The following TXNDC5 variants were observed in gnomAD, a reference collection of about 807,000 sequenced individuals.
The protein encoded by TXNDC5 is thioredoxin domain containing 5.
A neutral mutation model predicts 52.6 loss-of-function variants in TXNDC5; 44 were observed. That is an observed-to-expected ratio of 0.84 (90% CI 0.66 to 1.08). The LOEUF is 1.08. Ranked by LOEUF, TXNDC5 falls within the 50% of genes least tolerant of loss-of-function variation. The pLI is 0.00. For synonymous variants in TXNDC5, 241 were observed against 234.4 expected, an observed-to-expected ratio of 1.03 and a Z score of -0.26; for missense variants, 600 against 565.5, an observed-to-expected ratio of 1.06 and a Z score of -0.62.
chr6:7,899,435 C>A, intron 3 of TXNDC5, 141 bp downstream of exon 3: 1 of 530,790 alleles, frequency 1.9e-6, no homozygotes, highest in Non-Finnish European at 3.2e-6. Flanking sequence ...CAATAAGCTC[C>A]AAAAAAAGTA....
intron 1 of TXNDC5, among the ~76,000 whole-genome samples, chr6:7,907,165 C>CTTTTT (rs55914910): frequency 8.3e-5 from 12 of 143,918 alleles, no homozygotes; most frequent in South Asian, 6.6e-4. Context: ...TTTTTTTTCC[C>CTTTTT]TTTTTTTTTT....
chr6:7,889,404 G>T, intron 6 of TXNDC5, 91 bp downstream of exon 6: 1 of 1,035,574 alleles, frequency 9.7e-7, no homozygotes, highest in Non-Finnish European at 1.4e-6. Flanking sequence ...ATCAAGATTG[G>T]CAATTCACTG....
At chr6:7,888,315 G>A (rs1486261968) in intron 7 of TXNDC5, among the ~76,000 whole-genome samples, 5 of 152,102 alleles carry the variant, frequency 3.3e-5, no homozygotes, top group African/African-American at 9.7e-5. Context: ...GAAAATGCCC[G>A]GAGCAAGGTC....
intron 5 of TXNDC5, among the ~76,000 whole-genome samples, chr6:7,889,891 G>A (rs914431692): frequency 2.6e-5 from 4 of 152,194 alleles, no homozygotes; most frequent in Non-Finnish European, 5.9e-5. Context: ...GGTAGCTTGA[G>A]TCAGGGCCCT....
At chr6:7,897,968 G>A (rs1459336210) in intron 3 of TXNDC5, among the ~76,000 whole-genome samples, 1 of 152,164 alleles carries the variant, frequency 6.6e-6, no homozygotes, top group African/African-American at 2.4e-5. Context: ...CAAATTTCCT[G>A]AGAGGTCTGT....
Position 7,910,726 on chromosome 6 carries a change from G to T in TXNDC5, c.51C>A (p.Ala17=). The T allele has an allele frequency of 9.7e-7, 1 of 1,034,254 alleles. No individual in the cohort carries two copies. The highest frequency in any genetic ancestry group is 1.2e-6 in the Non-Finnish European group (1 of 865,636). The allele number at this position is 1,034,254 out of a possible 1,614,324, so 64.1% of individuals were successfully genotyped here. ...GCAGCAGCAGCAGCAGCGCAGTCAG[G>T]GCCGCCGGCCGGGCCAGCAGCGGGA... is the stretch of plus-strand genomic sequence containing the variant. ...RLLPLLARPA[A]LTALLLLLLG... is the part of the protein sequence containing the mutation. The change falls in exon 1 of 10, where the codon GCC becomes GCA. Residue 17 remains alanine, a synonymous_variant. Transcript: ENST00000379757.
intron 1 of TXNDC5, among the ~76,000 whole-genome samples, chr6:7,909,565 G>A (rs754633379): frequency 6.6e-6 from 1 of 152,220 alleles, no homozygotes; most frequent in African/African-American, 2.4e-5. Flanking sequence ...GCTCAACGGA[G>A]GGGCTTTTCC....
intron 7 of TXNDC5, 152 bp downstream of exon 7, chr6:7,888,553 G>T: frequency 1.0e-6 from 1 of 958,776 alleles, no homozygotes; most frequent in Non-Finnish European, 1.5e-6. Context: ...AAAAATACGT[G>T]TTGAAAACGC....
intron 1 of TXNDC5, chr6:7,909,876 C>A: frequency 2.0e-6 from 2 of 986,038 alleles, no homozygotes; most frequent in Non-Finnish European, 2.4e-6. Flanking sequence ...TCTGTCCCAG[C>A]CGACCCCGGT....
intron 2 of TXNDC5, among the ~76,000 whole-genome samples, chr6:7,902,112 C>T (rs1278790204): frequency 6.6e-6 from 1 of 152,066 alleles, no homozygotes; most frequent in African/African-American, 2.4e-5. Context: ...CCAAAGATGA[C>T]CAGGAAACCA....
chr6:7,884,232 CAAAGGGACATAAA>C lies in TXNDC5; in HGVS notation c.1176+114_1176+126del, dbSNP rs999887140. On this transcript the variant is annotated intron_variant, in intron 9 of 9. Coordinates refer to ENST00000379757, the MANE Select transcript of TXNDC5 (RefSeq NM_030810.5). ...CTTTTGCTTCTCCAAACAAACAACT[CAAAGGGACATAAA>C]AACCACATTGTTGAGAAGATGAGAG... The C allele has an allele frequency of 3.2e-4, 427 of 1,315,642 alleles. 1 individual carries two copies. Among genetic ancestry groups the C allele is most frequent in the Non-Finnish European group, 4.1e-4 (391 of 954,342 alleles). The allele number at this position is 1,315,642 out of a possible 1,614,324, so 81.5% of individuals were successfully genotyped here.
rs763003192 is a variant in TXNDC5 at position 7,891,758 on chromosome 6, G to T, written c.617-22C>A. ...TCGCCTGGAGTGGAGAGCCAAGGCA[G>T]AGACGGGGGAAAGAGGAACTGTAAT... On this transcript the variant is annotated intron_variant, in intron 4 of 9. Transcript: ENST00000379757. 31 of 1,552,636 alleles carry T rather than the reference G, an allele frequency of 2.0e-5. No individual in the cohort carries two copies. In the South Asian group the frequency reaches 3.5e-4, roughly 17 times the overall value.
chr6:7,906,535 C>CAAAAAAAAAAAAAAAAAAA (rs1207193194), intron 1 of TXNDC5, among the ~76,000 whole-genome samples: 2 of 42,552 alleles, frequency 4.7e-5, no homozygotes, highest in Non-Finnish European at 3.9e-5. Context: ...GACTCCATCT[C>CAAAAAAAAAAAAAAAAAAA]AAAAAAAAAA....
chr6:7,882,924 AGT>A lies in TXNDC5; in HGVS notation c.*218_*219del, dbSNP rs1759816452. The A allele has an allele frequency of 1.9e-6, 1 of 529,428 alleles. No individual in the cohort carries two copies. Among genetic ancestry groups the A allele is most frequent in the Non-Finnish European group, 3.2e-6 (1 of 307,754 alleles). 32.8% of individuals were successfully genotyped at this position (529,428 alleles called of 1,614,324 possible). A position where few individuals can be genotyped will look rare whatever the true frequency, so the allele number is the denominator to read the frequency against. On this transcript the variant is annotated 3_prime_UTR_variant, in exon 10 of 10. Coordinates refer to ENST00000379757, the MANE Select transcript of TXNDC5 (RefSeq NM_030810.5). The stretch of plus-strand genomic sequence containing the variant: ...ATATCGCCACTGAAAATGTTTACAC[AGT>A]GACCATGAGTTACACATTTACTTAG...
At chr6:7,896,760 A>G (rs1760382346) in intron 3 of TXNDC5, among the ~76,000 whole-genome samples, 2 of 152,220 alleles carry the variant, frequency 1.3e-5, no homozygotes, top group Non-Finnish European at 2.9e-5. Flanking sequence ...TGAAGTGTTC[A>G]TTTATGGCAC....
At chr6:7,887,437 CT>C (rs60316944) in intron 7 of TXNDC5, among the ~76,000 whole-genome samples, 13,864 of 152,110 alleles carry the variant, frequency 0.091, 671 homozygotes, top group East Asian at 0.12. Flanking sequence ...GGCCCCGCCC[CT>C]GTGCTGGGTA....
intron 1 of TXNDC5, chr6:7,909,927 G>C (rs1471442947): frequency 1.0e-6 from 1 of 986,074 alleles, no homozygotes; most frequent in African/African-American, 1.7e-5. Context: ...AGTGCACGTG[G>C]CCCACGGGCA....
intron 4 of TXNDC5, 57 bp downstream of exon 4, chr6:7,895,049 A>G: frequency 1.3e-6 from 2 of 1,572,432 alleles, no homozygotes; most frequent in South Asian, 2.3e-5. Context: ...GGAAAAGCCC[A>G]GCACGCCAAG....
rs1321045221 is a variant in TXNDC5, at chr6:7,882,989, G to A, written c.*155C>T. 2.1e-6 allele frequency: 2 copies of A among 939,976 alleles called. No homozygotes were observed. Among genetic ancestry groups the A allele is most frequent in the African/African-American group, 3.3e-5 (2 of 60,236 alleles). The allele number at this position is 939,976 out of a possible 1,614,324, so 58.2% of individuals were successfully genotyped here. A position where few individuals can be genotyped will look rare whatever the true frequency, so the allele number is the denominator to read the frequency against. Reference sequence around the variant, plus strand: ...TAATAAAGAATCTGTAGAGTGTGTTGGCTTGGAAAACACACACACAAAGAA... The same window carrying A: ...TAATAAAGAATCTGTAGAGTGTGTTAGCTTGGAAAACACACACACAAAGAA... On this transcript the variant is annotated 3_prime_UTR_variant, in exon 10 of 10. Coordinates refer to ENST00000379757, the MANE Select transcript of TXNDC5 (RefSeq NM_030810.5).
Sources: gnomAD v4.1 joint callset for allele counts (sites outside exome capture counted in the v4.1 genomes callset) on GRCh38, gnomAD v4.1.1 for gene constraint, MANE v1.5 for transcripts, NCBI Gene and HGNC (gene_info 2026-07-23, HGNC 2026-07-21) for gene names.